The following ANKS6 variants were observed in gnomAD, a reference collection of about 807,000 sequenced individuals.
The protein encoded by ANKS6 is ankyrin repeat and sterile alpha motif domain containing 6.
Under a neutral mutation model 77.9 loss-of-function variants are expected in ANKS6, and 47 were observed. The ratio of observed to expected loss-of-function variants is 0.60; its 90% CI spans 0.48 to 0.77. ANKS6 has a LOEUF of 0.77. Ranked by LOEUF, ANKS6 falls within the 30% of genes least tolerant of loss-of-function variation. The pLI is 0.00. For synonymous variants in ANKS6, 488 were observed against 501.7 expected (o/e 0.97, Z 0.37); for missense variants, 1,150 against 1,159.1 (o/e 0.99, Z 0.11).
chr9:98,783,429 G>A (rs1354215452), intron 4 of ANKS6: 1 of 152,232 alleles, frequency 6.6e-6, no homozygotes, highest in African/African-American at 2.4e-5. Context: ...CCAAAGACGA[G>A]GCCTCCAGGA....
Position 98,770,901 on chromosome 9 carries a change from CGG to C in ANKS6, c.1965_1966del (p.Asn655LysfsTer45). 1 of 1,501,286 alleles carries C rather than the reference CGG, an allele frequency of 6.7e-7. No individual in the cohort carries two copies. Among genetic ancestry groups the C allele is most frequent in the Non-Finnish European group, 8.9e-7 (1 of 1,119,106 alleles). The allele number at this position is 1,501,286 out of a possible 1,614,324, so 93.0% of individuals were successfully genotyped here. A position where few individuals can be genotyped will look rare whatever the true frequency, so the allele number is the denominator to read the frequency against. On this transcript the variant is annotated frameshift_variant, in exon 10 of 15. Coordinates refer to ENST00000353234, the MANE Select transcript of ANKS6 (RefSeq NM_173551.5). LOFTEE classifies it high-confidence loss of function. ...GGCCCTGCCCAGCTACTCACCTGAG[CGG>C]TTAAGCAGCTCCCCACCGTGCCGGC...
chr9:98,757,333 C>T (rs1448527770), intron 11 of ANKS6, among the ~76,000 whole-genome samples: 1 of 152,208 alleles, frequency 6.6e-6, no homozygotes, highest in Non-Finnish European at 1.5e-5. Flanking sequence ...TGGAGCTGTG[C>T]TGTATCTCTG....
Position 98,734,392 on chromosome 9 carries a change from T to C in ANKS6, c.*2127A>G. On this transcript the variant is annotated 3_prime_UTR_variant, in exon 15 of 15. Coordinates refer to ENST00000353234, the MANE Select transcript of ANKS6 (RefSeq NM_173551.5). ...ATCAAACTTACCTGAGTGGAAGCTA[T>C]ACCAGTATATTGTTATGAAAAAAAC... is the stretch of plus-strand genomic sequence containing the variant. 2.0e-6 allele frequency: 2 copies of C among 985,348 alleles called. No homozygotes were observed. The highest frequency in any genetic ancestry group is 1.2e-6 in the Non-Finnish European group (1 of 829,936). 61.0% of individuals were successfully genotyped at this position (985,348 alleles called of 1,614,324 possible). A position where few individuals can be genotyped will look rare whatever the true frequency, so the allele number is the denominator to read the frequency against.
chr9:98,761,612 C>T lies in ANKS6; in HGVS notation c.2143-5009G>A, dbSNP rs1350215847. On this transcript the variant is annotated intron_variant, in intron 11 of 14. Coordinates refer to ENST00000353234, the MANE Select transcript of ANKS6 (RefSeq NM_173551.5). ...CATGCTTTTGGCACTGTGAGATACACGTGGAGGTTCCTTTTCTTGCAATAT... is the reference window on the plus strand; with the variant it reads ...CATGCTTTTGGCACTGTGAGATACATGTGGAGGTTCCTTTTCTTGCAATAT... 5.3e-5 allele frequency among the ~76,000 whole-genome samples: 8 copies of T among 152,170 alleles called. No homozygotes were observed. In the East Asian group the frequency reaches 1.3e-3, roughly 26 times the overall value.
rs1834424072 is a variant in ANKS6, at chr9:98,784,035, G to A, written c.1030C>T (p.Leu344=). 6.2e-7 allele frequency: 1 copy of A among 1,611,672 alleles called. No individual in the cohort carries two copies. Among genetic ancestry groups the A allele is most frequent in the Non-Finnish European group, 8.5e-7 (1 of 1,179,278 alleles). The change falls in exon 4 of 15, where the codon CTG becomes TTG. Residue 344 remains leucine, a synonymous_variant. Coordinates refer to ENST00000353234, the MANE Select transcript of ANKS6 (RefSeq NM_173551.5). The part of the protein sequence containing the change: ...AVTGQLALVQ[L]LVERHADVDK... ...ACATCCGCGTGCCTCTCCACCAGCAGCTGCACCAGAGCCAGCTGCCCCGTA... is the reference window on the plus strand; with the variant it reads ...ACATCCGCGTGCCTCTCCACCAGCAACTGCACCAGAGCCAGCTGCCCCGTA...
At chr9:98,788,762 T>A (rs1184201071) in intron 2 of ANKS6, among the ~76,000 whole-genome samples, 1 of 152,188 alleles carries the variant, frequency 6.6e-6, no homozygotes, top group Non-Finnish European at 1.5e-5. Flanking sequence ...GGTGGGAGAA[T>A]CACCTCTAGG....
chr9:98,755,378 T>A (rs1832644371), intron 12 of ANKS6, among the ~76,000 whole-genome samples: 1 of 152,154 alleles, frequency 6.6e-6, no homozygotes, highest in South Asian at 2.1e-4. Flanking sequence ...CTTTCCCCCA[T>A]CCCAGCTCCT....
At chr9:98,748,449 G>T (rs1195746676) in intron 13 of ANKS6, among the ~76,000 whole-genome samples, 1 of 152,156 alleles carries the variant, frequency 6.6e-6, no homozygotes, top group Non-Finnish European at 1.5e-5. Context: ...TTTCCACACA[G>T]TTAAAACATA....
chr9:98,745,965 AG>A (rs1315017574), intron 13 of ANKS6: 20 of 403,074 alleles, frequency 5.0e-5, no homozygotes, highest in African/African-American at 2.0e-5. Context: ...TGGCTAGAAT[AG>A]GAGAAATCCA....
intron 7 of ANKS6, among the ~76,000 whole-genome samples, chr9:98,777,714 G>A (rs1479824840): frequency 6.6e-6 from 1 of 152,204 alleles, no homozygotes; most frequent in East Asian, 1.9e-4. Flanking sequence ...TCAGACAGTG[G>A]TGCCAAAGTA....
rs1254112059 is a variant in ANKS6 at position 98,736,375 on chromosome 9, C to A, written c.*144G>T. 10 of 1,428,902 alleles carry A rather than the reference C, an allele frequency of 7.0e-6. No individual in the cohort carries two copies. The highest frequency in any genetic ancestry group is 8.2e-6 in the Non-Finnish European group (9 of 1,094,372). 88.5% of individuals were successfully genotyped at this position (1,428,902 alleles called of 1,614,324 possible). On this transcript the variant is annotated 3_prime_UTR_variant, in exon 15 of 15. Coordinates refer to ENST00000353234, the MANE Select transcript of ANKS6 (RefSeq NM_173551.5). ...CAGCAAGAAGTACTACCAATGAATG[C>A]CGTCGACGTGAAGTGGGCATCCCGA...
intron 9 of ANKS6, among the ~76,000 whole-genome samples, 178 bp downstream of exon 9, chr9:98,773,699 T>C (rs912961518): frequency 3.9e-5 from 6 of 152,138 alleles, no homozygotes; most frequent in African/African-American, 1.4e-4. Flanking sequence ...TTTTAATCTA[T>C]TTTCCATACT....
intron 11 of ANKS6, among the ~76,000 whole-genome samples, chr9:98,765,997 C>T (rs1046417527): frequency 4.6e-5 from 7 of 152,178 alleles, no homozygotes; most frequent in South Asian, 2.1e-4. Flanking sequence ...CTATGAGCCC[C>T]GGACTGGGCT....
Position 98,778,176 on chromosome 9 carries a change from C to G in ANKS6, c.1567+50G>C, listed in dbSNP as rs573892867. 27 of 1,594,366 alleles carry G rather than the reference C, an allele frequency of 1.7e-5. No individual in the cohort carries two copies. The Admixed American group carries it at 2.2e-4, about 13-fold the overall frequency. ...GAGGTAGGATGAAGGGCAGAGGGTA[C>G]AGGCTCAGACCATTCCAAAAATTCT... On this transcript the variant is annotated intron_variant, in intron 7 of 14. Transcript: ENST00000353234.
In ANKS6 at chr9:98,758,324, CTTTTTTT is replaced by C. The variant is rs35699060; in HGVS notation, c.2143-1728_2143-1722del. Among the ~76,000 whole-genome samples the C allele has an allele frequency of 2.2e-5, 3 of 134,868 alleles. No individual in the cohort carries two copies. The East Asian group carries it at 6.8e-4, about 31-fold the overall frequency. The allele number at this position is 134,868 out of a possible 152,430, so 88.5% of individuals were successfully genotyped here. A position where few individuals can be genotyped will look rare whatever the true frequency, so the allele number is the denominator to read the frequency against. The stretch of plus-strand genomic sequence containing the variant: ...TACCCTTTTGACATGCGCCATCTTT[CTTTTTTT>C]TTTTTTTTGTCTTTCTTTTTAAAAG... On this transcript the variant is annotated intron_variant, in intron 11 of 14. Coordinates refer to ENST00000353234, the MANE Select transcript of ANKS6 (RefSeq NM_173551.5).
intron 4 of ANKS6, 60 bp from the exon 5 acceptor site, chr9:98,782,633 C>T (rs758485766): frequency 1.0e-5 from 13 of 1,286,464 alleles, no homozygotes; most frequent in Admixed American, 6.9e-5. Flanking sequence ...TGCTCCTGGG[C>T]AACAAAACCA....
In ANKS6 at chr9:98,734,875, A is replaced by C. The variant is rs895909215; in HGVS notation, c.*1644T>G. 6 of 985,504 alleles carry C rather than the reference A, an allele frequency of 6.1e-6. No individual in the cohort carries two copies. The East Asian group carries it at 6.8e-4, about 112-fold the overall frequency. 61.0% of individuals were successfully genotyped at this position (985,504 alleles called of 1,614,324 possible). A position where few individuals can be genotyped will look rare whatever the true frequency, so the allele number is the denominator to read the frequency against. On this transcript the variant is annotated 3_prime_UTR_variant, in exon 15 of 15. Transcript: ENST00000353234. ...CAGCTAAATGAAACACTTTGTCTTC[A>C]GTCCTGTGGAAAGTTGGCTTCTGTG... is the stretch of plus-strand genomic sequence containing the variant.
chr9:98,761,463 T>C (rs557147955), intron 11 of ANKS6, among the ~76,000 whole-genome samples: 14 of 152,362 alleles, frequency 9.2e-5, no homozygotes, highest in South Asian at 4.1e-4. Flanking sequence ...TCCAGATCTA[T>C]GATTTGAAAA....
In ANKS6 at chr9:98,756,268, C is replaced by A. The variant is rs557603372; in HGVS notation, c.2326+152G>T. The A allele has an allele frequency of 6.0e-6, 5 of 832,068 alleles. No individual in the cohort carries two copies. In the South Asian group the frequency reaches 9.4e-5, roughly 16 times the overall value. 51.5% of individuals were successfully genotyped at this position (832,068 alleles called of 1,614,324 possible). A position where few individuals can be genotyped will look rare whatever the true frequency, so the allele number is the denominator to read the frequency against. On this transcript the variant is annotated intron_variant, in intron 12 of 14. Transcript: ENST00000353234. ...ATAGTGAAGACAAAAATACAAGGTA[C>A]AATCAGAGAAGAGGAGGGACATGTT...
Sources: allele counts gnomAD v4.1 joint callset (sites outside exome capture counted in the v4.1 genomes callset), GRCh38; gene constraint gnomAD v4.1.1; transcripts MANE v1.5; gene names NCBI Gene and HGNC (gene_info 2026-07-23, HGNC 2026-07-21).